VRK2: variants seen among roughly 807,000 people sequenced by gnomAD.
The protein encoded by VRK2 is serine/threonine-protein kinase VRK2.
A neutral mutation model predicts 57.6 loss-of-function variants in VRK2; 60 were observed. That is an observed-to-expected ratio of 1.04 (90% CI 0.85 to 1.29). VRK2 has a LOEUF of 1.29. VRK2 is among the 50% of genes most tolerant of loss of function. The pLI, the probability that VRK2 is intolerant of heterozygous loss-of-function variation, is 0.00. For missense variants in VRK2, 705 were observed against 588.1 expected (o/e 1.20, Z -2.06); for synonymous variants, 231 against 199.2 (o/e 1.16, Z -1.35).
At chr2:58,092,071 G>A (rs1672459944) in intron 7 of VRK2, among the ~76,000 whole-genome samples, 1 of 152,146 alleles carries the variant, frequency 6.6e-6, no homozygotes, top group South Asian at 2.1e-4. Flanking sequence ...GCTTTTAAAT[G>A]TACAGTTTGA....
intron 1 of VRK2, among the ~76,000 whole-genome samples, chr2:57,931,681 T>C (rs148615981): frequency 2.2e-3 from 342 of 152,276 alleles, no homozygotes; most frequent in Non-Finnish European, 3.6e-3. Flanking sequence ...ATCCAAAAAA[T>C]TATCACCAAG....
rs572868322 is a variant in VRK2, at chr2:58,159,438, A to G, written c.1272A>G (p.Gln424=). 1 of 1,613,644 alleles carries G rather than the reference A, an allele frequency of 6.2e-7. No individual in the cohort carries two copies. The highest frequency in any genetic ancestry group is 1.7e-5 in the Admixed American group (1 of 59,976). The change falls in exon 13 of 13, where the codon CAA becomes CAG. Residue 424 remains glutamine (Q), a synonymous_variant. Coordinates refer to ENST00000340157, the MANE Select transcript of VRK2 (RefSeq NM_006296.7). ...TCCCACAAAAAATCAGCTATACACA[A>G]TTCCCAAACTCATTTTATGAGCCTC... ...NSFPQKISYT[Q]FPNSFYEPHQ...
rs1573393599 is a variant in VRK2 at position 58,146,483 on chromosome 2, GTTGT to G, written c.1182+14_1182+17del. On this transcript the variant is annotated intron_variant, in intron 12 of 12. Coordinates refer to ENST00000340157, the MANE Select transcript of VRK2 (RefSeq NM_006296.7). The stretch of plus-strand genomic sequence containing the variant: ...ACAATGAAGCAGCTCAGGTGAGAGG[GTTGT>G]TTGTGTGTGTTTTTTCTAACTTAAT... 11 of 1,601,156 alleles carry G rather than the reference GTTGT, an allele frequency of 6.9e-6. No individual in the cohort carries two copies. Among genetic ancestry groups the G allele is most frequent in the Middle Eastern group, 1.7e-4 (1 of 5,978 alleles).
chr2:58,050,841 T>C (rs532175227), intron 2 of VRK2, among the ~76,000 whole-genome samples: 31 of 152,164 alleles, frequency 2.0e-4, no homozygotes, highest in South Asian at 4.1e-4. Context: ...CAGTGTCACA[T>C]ATTTTTACTT....
intron 1 of VRK2, among the ~76,000 whole-genome samples, chr2:57,955,329 GTAAATATATGCAAACACATATATC>G (rs60514333): frequency 0.016 from 2,507 of 152,072 alleles, 64 homozygotes; most frequent in African/African-American, 0.058. Flanking sequence ...TGAAATTTCT[GTAAATATATGCAAACACATATATC>G]TAAATATATG....
chr2:57,953,015 T>C (rs529098355), intron 1 of VRK2, among the ~76,000 whole-genome samples: 6 of 152,302 alleles, frequency 3.9e-5, no homozygotes, highest in South Asian at 2.1e-4. Context: ...GACAGAGTGA[T>C]GTGTGGCCAT....
chr2:58,095,741 A>G (rs550361014), intron 7 of VRK2, among the ~76,000 whole-genome samples: 4 of 152,054 alleles, frequency 2.6e-5, no homozygotes, highest in African/African-American at 9.6e-5. Context: ...CAGTTCTTGT[A>G]TTTAATTTGT....
At chr2:58,012,703 C>T (rs1226521663) in intron 1 of VRK2, among the ~76,000 whole-genome samples, 1 of 152,152 alleles carries the variant, frequency 6.6e-6, no homozygotes, top group Non-Finnish European at 1.5e-5. Flanking sequence ...TTATAAATAA[C>T]AAAATACACA....
intron 7 of VRK2, among the ~76,000 whole-genome samples, chr2:58,119,702 C>T (rs1220787542): frequency 6.6e-6 from 1 of 151,220 alleles, no homozygotes; most frequent in Non-Finnish European, 1.5e-5. Flanking sequence ...TTAATATATA[C>T]TAGTAACAAA....
intron 8 of VRK2, among the ~76,000 whole-genome samples, chr2:58,129,432 A>T (rs898656073): frequency 3.9e-5 from 6 of 152,168 alleles, no homozygotes; most frequent in African/African-American, 1.4e-4. Flanking sequence ...TCTCATTCCT[A>T]GTCCAGAGCT....
intron 2 of VRK2, among the ~76,000 whole-genome samples, chr2:58,051,968 A>G (rs996190565): frequency 6.6e-6 from 1 of 152,246 alleles, no homozygotes; most frequent in African/African-American, 2.4e-5. Flanking sequence ...AATTGCTGTC[A>G]TTTTAGTATC....
At chr2:58,065,382 A>C (rs1173649810) in intron 2 of VRK2, among the ~76,000 whole-genome samples, 1 of 152,112 alleles carries the variant, frequency 6.6e-6, no homozygotes, top group Non-Finnish European at 1.5e-5. Context: ...GGAATCATGT[A>C]ATATGTGTCA....
intron 1 of VRK2, among the ~76,000 whole-genome samples, chr2:57,996,790 T>C (rs1672937684): frequency 6.6e-6 from 1 of 152,142 alleles, no homozygotes. Flanking sequence ...TATTTGCATA[T>C]AACCTATGTA....
chr2:58,016,937 A>C (rs1162219532), intron 1 of VRK2, among the ~76,000 whole-genome samples: 2 of 152,134 alleles, frequency 1.3e-5, no homozygotes, highest in Non-Finnish European at 2.9e-5. Context: ...GGAGTCTGAC[A>C]TTTTGTTTAG....
chr2:58,084,119 C>A lies in VRK2; in HGVS notation c.167C>A (p.Ala56Glu), dbSNP rs778206641. 4.2e-5 allele frequency: 68 copies of A among 1,605,730 alleles called. No homozygotes were observed. Among genetic ancestry groups the A allele is most frequent in the Non-Finnish European group, 5.6e-5 (66 of 1,175,102 alleles). ...AFPTNKPEKD[A>E]RHVVKVEYQE... ...CCCACAAATAAACCAGAGAAAGATG[C>A]AAGACATGTAGTAAAAGTGGTAAGT... is the stretch of plus-strand genomic sequence containing the variant. Residue 56 changes from alanine to glutamate, a missense_variant, in exon 3 of 13, where the codon GCA becomes GAA. Coordinates refer to ENST00000340157, the MANE Select transcript of VRK2 (RefSeq NM_006296.7).
At chr2:58,002,431 T>C (rs1312753965) in intron 1 of VRK2, among the ~76,000 whole-genome samples, 5 of 151,932 alleles carry the variant, frequency 3.3e-5, no homozygotes, top group Non-Finnish European at 7.4e-5. Flanking sequence ...GCCAAGACCA[T>C]GCCATTGCAC....
intron 2 of VRK2, among the ~76,000 whole-genome samples, chr2:58,075,220 G>A (rs1017070725): frequency 7.2e-5 from 11 of 151,988 alleles, no homozygotes; most frequent in African/African-American, 7.2e-5. Flanking sequence ...CAAAGGACAC[G>A]ATCTGATTCT....
intron 1 of VRK2, 174 bp downstream of exon 1, chr2:58,047,042 G>A (rs916377160): frequency 2.1e-6 from 2 of 932,946 alleles, no homozygotes; most frequent in South Asian, 4.9e-5. Flanking sequence ...TTCCGCGTTT[G>A]GTTCTTTTTT....
At chr2:57,996,107 A>G (rs765646042) in intron 1 of VRK2, among the ~76,000 whole-genome samples, 4 of 152,224 alleles carry the variant, frequency 2.6e-5, no homozygotes, top group Non-Finnish European at 4.4e-5. Flanking sequence ...TGATGTGCAT[A>G]AGTTATATGC....
Sources: allele counts gnomAD v4.1 joint callset (sites outside exome capture counted in the v4.1 genomes callset), GRCh38; gene constraint gnomAD v4.1.1; transcripts MANE v1.5; gene names NCBI Gene and HGNC (gene_info 2026-07-23, HGNC 2026-07-21).